Variants in TMX3 observed in about 807,000 individuals in gnomAD.
TMX3 encodes the protein thioredoxin related transmembrane protein 3, also known as protein disulfide-isomerase TMX3.
Under a neutral mutation model 64.4 loss-of-function variants are expected in TMX3, and 40 were observed. The ratio of observed to expected loss-of-function variants is 0.62; its 90% confidence interval spans 0.48 to 0.81. The LOEUF (loss-of-function observed/expected upper bound fraction) is 0.81, where lower values mean the gene tolerates loss of function less well. Ranked by LOEUF, TMX3 falls within the 30% of genes least tolerant of loss-of-function variation. TMX3 has a pLI of 0.00. For missense variants in TMX3, 497 were observed against 534.5 expected, an observed-to-expected ratio of 0.93 and a Z score of 0.69; for synonymous variants, 189 against 175.7, an observed-to-expected ratio of 1.08 and a Z score of -0.60.
At chr18:68,700,129 T>A (rs986069478) in intron 6 of TMX3, among the ~76,000 whole-genome samples, 1 of 152,082 alleles carries the variant, frequency 6.6e-6, no homozygotes, top group Non-Finnish European at 1.5e-5. Flanking sequence ...AATCGAAATC[T>A]GGAAAATGTA....
At chr18:68,698,877 C>CTGGGCGTGGTAG (rs781645155) in intron 6 of TMX3, among the ~76,000 whole-genome samples, 2 of 31,596 alleles carry the variant, frequency 6.3e-5, no homozygotes, top group South Asian at 4.1e-3. Flanking sequence ...AAAAAATTAG[C>CTGGGCGTGGTAG]CGGGCGTGGT....
At chr18:68,698,100 ATAAC>A (rs1321249849) in intron 6 of TMX3, 69 bp from the exon 7 acceptor site, 84 of 959,224 alleles carry the variant, frequency 8.8e-5, no homozygotes, top group Non-Finnish European at 1.3e-4. Context: ...TATTTATACT[ATAAC>A]TAATCATGTC....
At chr18:68,701,817 C>T in intron 4 of TMX3, 27 bp from the exon 5 acceptor site, 1 of 1,596,180 alleles carries the variant, frequency 6.3e-7, no homozygotes, top group South Asian at 1.1e-5. Flanking sequence ...ATAAAGCATT[C>T]TAAATTTTTT....
intron 4 of TMX3, among the ~76,000 whole-genome samples, chr18:68,704,861 C>A (rs2030508523): frequency 6.6e-6 from 1 of 152,100 alleles, no homozygotes; most frequent in African/African-American, 2.4e-5. Flanking sequence ...GATACTAGGC[C>A]TAATTCTGTT....
chr18:68,708,119 A>C (rs2030914493), intron 4 of TMX3, among the ~76,000 whole-genome samples: 2 of 151,892 alleles, frequency 1.3e-5, no homozygotes, highest in Admixed American at 1.3e-4. Flanking sequence ...ACAAGAAATT[A>C]CTTTCATGAG....
intron 13 of TMX3, among the ~76,000 whole-genome samples, chr18:68,682,150 C>G (rs73967583): frequency 7.2e-5 from 11 of 152,094 alleles, no homozygotes; most frequent in Non-Finnish European, 1.5e-4. Flanking sequence ...CATCTGTGGT[C>G]TTATCCAGTG....
At chr18:68,712,832 G>A (rs2031425703) in intron 2 of TMX3, among the ~76,000 whole-genome samples, 1 of 151,974 alleles carries the variant, frequency 6.6e-6, no homozygotes, top group Non-Finnish European at 1.5e-5. Context: ...GTGCCCCCAT[G>A]GGACTGTCAG....
At position 68,673,891 on chromosome 18, in the gene TMX3, G is replaced by C. The variant is rs1385328178; in HGVS notation, c.*3042C>G. 6.6e-6 allele frequency: 1 copy of C among 152,042 alleles called. No homozygotes were observed. The highest frequency in any genetic ancestry group is 2.4e-5 in the African/African-American group (1 of 41,396). 9.4% of individuals were successfully genotyped at this position (152,042 alleles called of 1,614,324 possible). ...TATATTTATAAAAATAAAATGTCAA[G>C]CCTAATCCCACCAATTGATAGTCTT... On this transcript the variant is annotated 3_prime_UTR_variant, in exon 16 of 16. Coordinates refer to ENST00000299608, the MANE Select transcript of TMX3 (RefSeq NM_019022.5).
At chr18:68,697,146 A>ATTT (rs1915169625) in intron 8 of TMX3, 80 bp downstream of exon 8, 1 of 767,084 alleles carries the variant, frequency 1.3e-6, no homozygotes. Flanking sequence ...TCAAGTAATA[A>ATTT]AATCACAATT....
rs1034204252 is a variant in TMX3, at chr18:68,676,596, CCTGA to C, written c.*333_*336del. ...TTCTATATCACACATGTATCTTCTA[CCTGA>C]CTGACCAATTTAAATATTCTGCCCA... is the stretch of plus-strand genomic sequence containing the variant. On this transcript the variant is annotated 3_prime_UTR_variant, in exon 16 of 16. Transcript: ENST00000299608. 33 of 230,400 alleles carry C rather than the reference CCTGA, an allele frequency of 1.4e-4. No individual in the cohort carries two copies. The highest frequency in any genetic ancestry group is 5.2e-5 in the Admixed American group (1 of 19,288). 14.3% of individuals were successfully genotyped at this position (230,400 alleles called of 1,614,324 possible).
intron 10 of TMX3, 88 bp from the exon 11 acceptor site, chr18:68,684,573 T>C: frequency 9.3e-7 from 1 of 1,079,712 alleles, no homozygotes; most frequent in East Asian, 2.4e-5. Context: ...AGGAAATTAG[T>C]AAAGTATTTC....
rs1209189141 is a variant in TMX3 at position 68,697,955 on chromosome 18, C to A, written c.469G>T (p.Val157Leu). 2 of 1,611,688 alleles carry A rather than the reference C, an allele frequency of 1.2e-6. No homozygotes were observed. Among genetic ancestry groups the A allele is most frequent in the Non-Finnish European group, 1.7e-6 (2 of 1,179,396 alleles). Residue 157 changes from valine to leucine, a missense_variant, in exon 7 of 16, where the codon GTA (valine) becomes TTA (leucine). Val to Leu is a conservative substitution (Grantham distance 32). Around this residue, in one of 3 missense-constraint regions of TMX3, gnomAD observed 360 missense variants for 383.5 expected, o/e 0.94. Transcript: ENST00000299608. ...ACTTTCAAAGGTGATTCTCCACCTA[C>A]ATAAACGAAAAATACACGGTGTCTC... ...QKRHRVFFVY[V>L]GGESPLKEKY... is the part of the protein sequence containing the mutation.
chr18:68,677,478 T>A (rs973497785), intron 15 of TMX3, among the ~76,000 whole-genome samples: 3 of 152,158 alleles, frequency 2.0e-5, no homozygotes, highest in Non-Finnish European at 4.4e-5. Flanking sequence ...TTTTTCTACA[T>A]TAACCACAAA....
At chr18:68,679,788 T>C (rs1913244412) in intron 14 of TMX3, among the ~76,000 whole-genome samples, 1 of 152,134 alleles carries the variant, frequency 6.6e-6, no homozygotes, top group Non-Finnish European at 1.5e-5. Context: ...CCACACAGCT[T>C]GGCTGAAGCT....
At position 68,676,829 on chromosome 18, in the gene TMX3, A is replaced by G. The variant is rs1243605048; in HGVS notation, c.*104T>C. On this transcript the variant is annotated 3_prime_UTR_variant, in exon 16 of 16. Coordinates refer to ENST00000299608, the MANE Select transcript of TMX3 (RefSeq NM_019022.5). ...TGCAGTTGATATTAGCAAAATACGA[A>G]TAACATGTTCTTTTCTGTAAAGATC... is the stretch of plus-strand genomic sequence containing the variant. 2 of 1,409,982 alleles carry G rather than the reference A, an allele frequency of 1.4e-6. No individual in the cohort carries two copies. Among genetic ancestry groups the G allele is most frequent in the African/African-American group, 1.5e-5 (1 of 68,870 alleles). The allele number at this position is 1,409,982 out of a possible 1,614,324, so 87.3% of individuals were successfully genotyped here.
intron 5 of TMX3, 41 bp from the exon 6 acceptor site, chr18:68,700,526 C>G (rs938512453): frequency 7.5e-7 from 1 of 1,336,632 alleles, no homozygotes; most frequent in Non-Finnish European, 1.0e-6. Context: ...ATTGTTCTAA[C>G]AGTTTTAATA....
chr18:68,708,258 C>T (rs1446048519), intron 4 of TMX3, among the ~76,000 whole-genome samples: 1 of 152,058 alleles, frequency 6.6e-6, no homozygotes, highest in East Asian at 1.9e-4. Flanking sequence ...AAAATTTCAA[C>T]GTTTCATTTG....
rs914886901 is a variant in TMX3, at chr18:68,675,563, T to G, written c.*1370A>C. The G allele has an allele frequency of 2.6e-5, 4 of 152,150 alleles. No homozygotes were observed. Among genetic ancestry groups the G allele is most frequent in the African/African-American group, 9.7e-5 (4 of 41,448 alleles). 9.4% of individuals were successfully genotyped at this position (152,150 alleles called of 1,614,324 possible). A position where few individuals can be genotyped will look rare whatever the true frequency, so the allele number is the denominator to read the frequency against. On this transcript the variant is annotated 3_prime_UTR_variant, in exon 16 of 16. Transcript: ENST00000299608. Reference sequence around the variant, plus strand: ...CAGTGTCCAGACCATGAATTACATATTTTTTGACCATGCATTACATTATTT... The same window carrying G: ...CAGTGTCCAGACCATGAATTACATAGTTTTTGACCATGCATTACATTATTT...
At chr18:68,677,884 G>T (rs1913072183) in intron 15 of TMX3, among the ~76,000 whole-genome samples, 1 of 152,104 alleles carries the variant, frequency 6.6e-6, no homozygotes, top group Admixed American at 6.6e-5. Context: ...GGAATTTAAG[G>T]ATGAGTGAGA....
Sources: allele counts gnomAD v4.1 joint callset (sites outside exome capture counted in the v4.1 genomes callset), GRCh38; gene constraint gnomAD v4.1.1; regional missense constraint gnomAD v4.1.1; transcripts MANE v1.5; gene names NCBI Gene and HGNC (gene_info 2026-07-23, HGNC 2026-07-21).